The following PARD3 variants were observed in gnomAD, a reference collection of about 807,000 sequenced individuals.
The protein encoded by PARD3 is partitioning defective 3 homolog.
In PARD3, 75 loss-of-function variants were observed where a neutral mutation model predicts 155.4. The observed-to-expected ratio is 0.48, with a 90% CI of 0.40 to 0.58. PARD3 has a LOEUF of 0.58. Ranked by LOEUF, PARD3 falls within the 20% of genes least tolerant of loss-of-function variation. PARD3 has a pLI of 0.00. For synonymous variants in PARD3, 576 were observed against 610.5 expected, an observed-to-expected ratio of 0.94 and a Z score of 0.83; for missense variants, 1,642 against 1,721.7, an observed-to-expected ratio of 0.95 and a Z score of 0.82.
intron 1 of PARD3, among the ~76,000 whole-genome samples, chr10:34,774,091 A>G (rs1488036162): frequency 6.6e-6 from 1 of 152,220 alleles, no homozygotes; most frequent in East Asian, 1.9e-4. Flanking sequence ...ATGGACTATC[A>G]CCACGTAAAC....
intron 1 of PARD3, among the ~76,000 whole-genome samples, chr10:34,772,174 G>A (rs868019053): frequency 1.3e-5 from 2 of 152,212 alleles, no homozygotes; most frequent in South Asian, 2.1e-4. Context: ...TGTAATCCCC[G>A]GACTTTGGGA....
intron 4 of PARD3, among the ~76,000 whole-genome samples, chr10:34,454,319 G>A (rs192248276): frequency 5.8e-4 from 88 of 151,728 alleles, no homozygotes; most frequent in Admixed American, 1.2e-3. Context: ...CATAAACATC[G>A]CAGCATACAA....
At chr10:34,285,686 A>G (rs913131182) in intron 20 of PARD3, among the ~76,000 whole-genome samples, 39 of 152,260 alleles carry the variant, frequency 2.6e-4, no homozygotes, top group African/African-American at 8.7e-4. Flanking sequence ...TGATTTTTTT[A>G]TTAATACAAA....
At chr10:34,245,475 A>G (rs1418095975) in intron 22 of PARD3, among the ~76,000 whole-genome samples, 1 of 152,098 alleles carries the variant, frequency 6.6e-6, no homozygotes, top group East Asian at 1.9e-4. Flanking sequence ...AGAATTTAGA[A>G]AGGTAACAGA....
At chr10:34,401,186 A>C (rs1341058590) in intron 6 of PARD3, among the ~76,000 whole-genome samples, 1 of 152,174 alleles carries the variant, frequency 6.6e-6, no homozygotes, top group Non-Finnish European at 1.5e-5. Context: ...TAAGCTACCA[A>C]GGAAAGAAGT....
intron 3 of PARD3, among the ~76,000 whole-genome samples, chr10:34,490,257 A>G (rs1202029798): frequency 1.3e-5 from 2 of 152,238 alleles, no homozygotes; most frequent in Non-Finnish European, 2.9e-5. Flanking sequence ...AAAGACCATG[A>G]AAAACATTTT....
At chr10:34,208,436 C>T (rs1285177888) in intron 22 of PARD3, among the ~76,000 whole-genome samples, 1 of 152,180 alleles carries the variant, frequency 6.6e-6, no homozygotes, top group East Asian at 1.9e-4. Flanking sequence ...TCTAATGTTG[C>T]TAACATGTCT....
chr10:34,561,664 G>A lies in PARD3; in HGVS notation c.223-44505C>T, dbSNP rs967597071. Reference sequence around the variant, plus strand: ...CTCCCGAGTAGCTGGGATTACAGGCGTGCGCCACCATGCCTGGCTGATCTT... The same window carrying A: ...CTCCCGAGTAGCTGGGATTACAGGCATGCGCCACCATGCCTGGCTGATCTT... On this transcript the variant is annotated intron_variant, in intron 2 of 24. Coordinates refer to ENST00000374788, the MANE Select transcript of PARD3 (RefSeq NM_001184785.2). 8.6e-5 allele frequency among the ~76,000 whole-genome samples: 13 copies of A among 151,850 alleles called. No homozygotes were observed. In the East Asian group the frequency reaches 2.6e-3, roughly 30 times the overall value.
At chr10:34,309,497 C>T (rs1777862661) in intron 20 of PARD3, among the ~76,000 whole-genome samples, 1 of 126,552 alleles carries the variant, frequency 7.9e-6, no homozygotes, top group Admixed American at 1.1e-4. Context: ...GTTCAAGGTG[C>T]AGTGAGGCAT....
In PARD3 at chr10:34,633,580, C is replaced by T. The variant is rs183876655; in HGVS notation, c.222+62738G>A. Among the ~76,000 whole-genome samples the T allele has an allele frequency of 5.3e-5, 8 of 152,278 alleles. No homozygotes were observed. In the South Asian group the frequency reaches 6.2e-4, roughly 12 times the overall value. Reference sequence around the variant, plus strand: ...TGTGTATACAGACCATTTATCCATCCGTCCAACGTAGGCTGGTGCCGTATC... The same window carrying T: ...TGTGTATACAGACCATTTATCCATCTGTCCAACGTAGGCTGGTGCCGTATC... On this transcript the variant is annotated intron_variant, in intron 2 of 24. Coordinates refer to ENST00000374788, the MANE Select transcript of PARD3 (RefSeq NM_001184785.2).
chr10:34,432,532 A>T (rs1463188020), intron 5 of PARD3, among the ~76,000 whole-genome samples: 1 of 152,190 alleles, frequency 6.6e-6, no homozygotes, highest in African/African-American at 2.4e-5. Flanking sequence ...TTCTGGGCGT[A>T]GGAAACACCA....
chr10:34,690,352 C>T (rs1411951488), intron 2 of PARD3, among the ~76,000 whole-genome samples: 1 of 152,200 alleles, frequency 6.6e-6, no homozygotes, highest in Non-Finnish European at 1.5e-5. Flanking sequence ...AATATGTCTC[C>T]ATACATTTCA....
chr10:34,497,607 A>T (rs1409425257), intron 3 of PARD3, among the ~76,000 whole-genome samples: 1 of 152,178 alleles, frequency 6.6e-6, no homozygotes, highest in East Asian at 1.9e-4. Flanking sequence ...AGTGTAATAA[A>T]TCTCTTTGGA....
chr10:34,121,112 T>G (rs1456941911), intron 23 of PARD3, among the ~76,000 whole-genome samples: 1 of 152,032 alleles, frequency 6.6e-6, no homozygotes, highest in Non-Finnish European at 1.5e-5. Context: ...AAAAACATAC[T>G]TTGGTCAGCA....
Position 34,382,487 on chromosome 10 carries a change from G to T in PARD3, c.1399+53C>A, listed in dbSNP as rs573541242. Reference sequence around the variant, plus strand: ...AAATAAATTCCATTTCTACCCTTGTGTGTTGCTGCTAAGAAAAGAAATTCC... The same window carrying T: ...AAATAAATTCCATTTCTACCCTTGTTTGTTGCTGCTAAGAAAAGAAATTCC... On this transcript the variant is annotated intron_variant, in intron 9 of 24. Coordinates refer to ENST00000374788, the MANE Select transcript of PARD3 (RefSeq NM_001184785.2). The T allele has an allele frequency of 1.6e-5, 25 of 1,560,024 alleles. No individual in the cohort carries two copies. The African/African-American group carries it at 2.6e-4, about 16-fold the overall frequency.
intron 5 of PARD3, among the ~76,000 whole-genome samples, chr10:34,426,926 T>C (rs2075639465): frequency 6.6e-6 from 1 of 152,226 alleles, no homozygotes; most frequent in Non-Finnish European, 1.5e-5. Flanking sequence ...CACCTGTCTT[T>C]ACTGCAATCT....
intron 3 of PARD3, among the ~76,000 whole-genome samples, chr10:34,484,652 G>A (rs2079320338): frequency 6.6e-6 from 1 of 152,014 alleles, no homozygotes; most frequent in Admixed American, 6.6e-5. Context: ...CTCTGCCCTC[G>A]TGAAGTTTTC....
intron 22 of PARD3, among the ~76,000 whole-genome samples, chr10:34,159,257 T>C (rs1426763489): frequency 1.3e-5 from 2 of 152,204 alleles, no homozygotes; most frequent in East Asian, 3.8e-4. Context: ...GAGGAGGTTA[T>C]ACGTGTTCTC....
chr10:34,759,135 A>C lies in PARD3; in HGVS notation c.120+55741T>G, dbSNP rs368606029. On this transcript the variant is annotated intron_variant, in intron 1 of 24. Transcript: ENST00000374788. ...TTTAAAAAGAAAAAAAGAAAAAAAA[A>C]CTCAATACTGAGAATAGATACAACT... Among the ~76,000 whole-genome samples, 11 of 152,284 alleles carry C rather than the reference A, an allele frequency of 7.2e-5. 1 individual carries two copies. Among genetic ancestry groups the C allele is most frequent in the Admixed American group, 2.0e-4 (3 of 15,294 alleles).
Sources: allele counts gnomAD v4.1 joint callset (sites outside exome capture counted in the v4.1 genomes callset), GRCh38; gene constraint gnomAD v4.1.1; transcripts MANE v1.5; gene names NCBI Gene and HGNC (gene_info 2026-07-23, HGNC 2026-07-21).